The following RASGRF1 variants were observed in gnomAD, a reference collection of about 807,000 sequenced individuals.
RASGRF1 encodes ras-specific guanine nucleotide-releasing factor 1.
In RASGRF1, 40 loss-of-function variants were observed where a neutral mutation model predicts 138.7. The observed-to-expected ratio is 0.29, with a 90% CI of 0.22 to 0.38. The LOEUF is 0.38. Among genes scored for constraint, RASGRF1 ranks in the 10% least tolerant of loss-of-function variants. RASGRF1 has a pLI of 1.00. For synonymous variants in RASGRF1, 614 were observed against 663.2 expected, an observed-to-expected ratio of 0.93 and a Z score of 1.14; for missense variants, 1,108 against 1,650.4, an observed-to-expected ratio of 0.67 and a Z score of 5.69.
chr15:79,061,429 T>TATATCA (rs2057604943), intron 2 of RASGRF1, among the ~76,000 whole-genome samples: 1 of 147,446 alleles, frequency 6.8e-6, no homozygotes, highest in South Asian at 2.1e-4. Context: ...TATATATATA[T>TATATCA]ATCATTCATT....
At chr15:79,043,699 A>G (rs74027012) in intron 5 of RASGRF1, among the ~76,000 whole-genome samples, 3,565 of 152,252 alleles carry the variant, frequency 0.023, 125 homozygotes, top group African/African-American at 0.081. Flanking sequence ...ACCTGGGGAG[A>G]TGGGGATGGG....
At chr15:79,026,936 C>A (rs1404014143) in intron 9 of RASGRF1, among the ~76,000 whole-genome samples, 2 of 152,096 alleles carry the variant, frequency 1.3e-5, no homozygotes, top group African/African-American at 4.8e-5. Flanking sequence ...GGGGCTGGGA[C>A]AAAACTCCGA....
intron 3 of RASGRF1, among the ~76,000 whole-genome samples, chr15:79,051,363 C>T (rs1039834813): frequency 1.3e-5 from 2 of 151,816 alleles, no homozygotes; most frequent in African/African-American, 4.8e-5. Flanking sequence ...GGCTTTTCTC[C>T]CCACCCCCTC....
intron 1 of RASGRF1, among the ~76,000 whole-genome samples, chr15:79,083,285 A>G (rs1385033106): frequency 6.6e-6 from 1 of 152,236 alleles, no homozygotes; most frequent in Non-Finnish European, 1.5e-5. Flanking sequence ...CCTGCACGAC[A>G]GTCGCCCTCA....
At position 79,027,655 on chromosome 15, in the gene RASGRF1, A is replaced by T; in HGVS notation, c.1381+86T>A. ...GTCTTGGCATGTGGCAGCCAAACCA[A>T]CTGGTGGCGTCCCCGAGTGCCGCCT... On this transcript the variant is annotated intron_variant, in intron 9 of 26. Coordinates refer to ENST00000558480, the MANE Select transcript of RASGRF1 (RefSeq NM_001145648.3). This position sits in a 1 kb window ranked among gnomAD's most constrained non-coding sequence, Gnocchi z 4.8. 7.9e-7 allele frequency: 1 copy of T among 1,260,684 alleles called. No individual in the cohort carries two copies. Among genetic ancestry groups the T allele is most frequent in the African/African-American group, 1.5e-5 (1 of 67,494 alleles). 78.1% of individuals were successfully genotyped at this position (1,260,684 alleles called of 1,614,324 possible).
chr15:79,010,293 C>G (rs894036006), intron 13 of RASGRF1, among the ~76,000 whole-genome samples: 1 of 152,218 alleles, frequency 6.6e-6, no homozygotes, highest in African/African-American at 2.4e-5. Flanking sequence ...CTGCCTCAGC[C>G]TCCCAAAGTG....
intron 20 of RASGRF1, among the ~76,000 whole-genome samples, chr15:78,993,914 C>T (rs993550491): frequency 1.3e-5 from 2 of 152,202 alleles, no homozygotes; most frequent in Non-Finnish European, 2.9e-5. Context: ...ACAACTTCCT[C>T]CACCTTTTAT....
At chr15:78,981,229 C>T (rs931401240) in intron 23 of RASGRF1, 2 of 152,214 alleles carry the variant, frequency 1.3e-5, no homozygotes, top group Non-Finnish European at 2.9e-5. Flanking sequence ...GGAAGCTCCA[C>T]AGCAAAGGGC....
At chr15:79,012,590 C>G in intron 13 of RASGRF1, 2 of 1,601,102 alleles carry the variant, frequency 1.2e-6, no homozygotes, top group Non-Finnish European at 1.7e-6. Flanking sequence ...TAAGTTTAAT[C>G]TGGACATTCC....
Position 79,066,825 on chromosome 15 carries a change from A to G in RASGRF1, c.277-2299T>C, listed in dbSNP as rs192692805. Among the ~76,000 whole-genome samples the G allele has an allele frequency of 3.0e-4, 46 of 152,064 alleles. 1 individual carries two copies. The East Asian group carries it at 8.5e-3, about 28-fold the overall frequency. On this transcript the variant is annotated intron_variant, in intron 1 of 26. Transcript: ENST00000558480. Reference sequence around the variant, plus strand: ...AGCTTCTGACAGGTTATGATGCCCAACTCTCCATCCTGCAGACCAGGCACG... The same window carrying G: ...AGCTTCTGACAGGTTATGATGCCCAGCTCTCCATCCTGCAGACCAGGCACG...
intron 22 of RASGRF1, among the ~76,000 whole-genome samples, chr15:78,989,209 G>C (rs2056221277): frequency 6.6e-6 from 1 of 152,162 alleles, no homozygotes. Flanking sequence ...CTGGGAGCTG[G>C]GGGTGTGTGA....
chr15:79,031,109 G>A (rs2057129580), intron 8 of RASGRF1, among the ~76,000 whole-genome samples: 1 of 152,342 alleles, frequency 6.6e-6, no homozygotes, highest in Non-Finnish European at 1.5e-5. Context: ...GTGCCTGGGA[G>A]TCATGGACAG....
chr15:78,961,897 A>G lies in RASGRF1; in HGVS notation c.*247T>C. 1 of 435,212 alleles carries G rather than the reference A, an allele frequency of 2.3e-6. No individual in the cohort carries two copies. The allele number at this position is 435,212 out of a possible 1,614,324, so 27.0% of individuals were successfully genotyped here. On this transcript the variant is annotated 3_prime_UTR_variant, in exon 27 of 27. Coordinates refer to ENST00000558480, the MANE Select transcript of RASGRF1 (RefSeq NM_001145648.3). ...GAGAAGAGTGAGGAGTCTAGGGAAG[A>G]GGGACCAAGAGTACAGCTGTTTAAA...
At chr15:79,019,208 G>A (rs1180718840) in intron 11 of RASGRF1, among the ~76,000 whole-genome samples, 1 of 152,178 alleles carries the variant, frequency 6.6e-6, no homozygotes, top group African/African-American at 2.4e-5. Context: ...AGGGAAAAGA[G>A]CACGGGTCCT....
intron 1 of RASGRF1, among the ~76,000 whole-genome samples, chr15:79,081,991 G>T (rs922060776): frequency 6.6e-6 from 1 of 152,166 alleles, no homozygotes; most frequent in African/African-American, 2.4e-5. Context: ...GCCAGGCAAG[G>T]ATCCTGCCCC....
At chr15:79,086,775 C>T (rs1192634526) in intron 1 of RASGRF1, among the ~76,000 whole-genome samples, 1 of 152,128 alleles carries the variant, frequency 6.6e-6, no homozygotes, top group Non-Finnish European at 1.5e-5. Flanking sequence ...TGGGGCTGGA[C>T]ATTTTATTTC....
intron 1 of RASGRF1, among the ~76,000 whole-genome samples, chr15:79,071,220 C>A (rs904928111): frequency 3.2e-4 from 49 of 152,210 alleles, no homozygotes; most frequent in Middle Eastern, 3.2e-3. Context: ...AGCAGAGCTG[C>A]CTCTGGCATG....
At chr15:78,979,078 G>A (rs1394362575) in intron 24 of RASGRF1, 4 of 1,290,262 alleles carry the variant, frequency 3.1e-6, no homozygotes, top group Non-Finnish European at 3.0e-6. Context: ...GGTGCCCCGG[G>A]GGCGGACGGA....
chr15:79,043,503 G>T (rs144976386), intron 5 of RASGRF1, among the ~76,000 whole-genome samples: 2 of 152,206 alleles, frequency 1.3e-5, no homozygotes, highest in African/African-American at 4.8e-5. Flanking sequence ...TAAGAGGCAG[G>T]TACCATTCCT....
Sources: allele counts gnomAD v4.1 joint callset (sites outside exome capture counted in the v4.1 genomes callset), GRCh38; gene constraint gnomAD v4.1.1; non-coding constraint Gnocchi (gnomAD v3.1); transcripts MANE v1.5; gene names NCBI Gene and HGNC (gene_info 2026-07-23, HGNC 2026-07-21).